Variants in ARPP21 observed in about 807,000 individuals in gnomAD.
ARPP21 encodes the protein cAMP regulated phosphoprotein 21.
Under a neutral mutation model 113.2 loss-of-function variants are expected in ARPP21, and 69 were observed. The observed-to-expected ratio is 0.61, with a 90% CI of 0.50 to 0.74. The LOEUF (loss-of-function observed/expected upper bound fraction) is 0.74, where lower values mean the gene tolerates loss of function less well. ARPP21 is among the 30% of genes least tolerant of loss of function. The pLI, the probability that ARPP21 is intolerant of heterozygous loss-of-function variation, is 0.00. For synonymous variants in ARPP21, 368 were observed against 375.5 expected (o/e 0.98, Z 0.23); for missense variants, 1,070 against 1,037.4 (o/e 1.03, Z -0.43).
chr3:35,676,911 A>T (rs2077637688), intron 1 of ARPP21, among the ~76,000 whole-genome samples: 1 of 151,900 alleles, frequency 6.6e-6, no homozygotes, highest in Non-Finnish European at 1.5e-5. Flanking sequence ...TTATATATCT[A>T]TGTGGCAATT....
At chr3:35,710,748 A>T (rs574913604) in intron 11 of ARPP21, among the ~76,000 whole-genome samples, 1 of 152,342 alleles carries the variant, frequency 6.6e-6, no homozygotes, top group African/African-American at 2.4e-5. Context: ...AAAGTCTGTC[A>T]CTAATGCCTG....
intron 1 of ARPP21, chr3:35,642,564 T>G (rs967196422): frequency 2.0e-5 from 3 of 152,180 alleles, no homozygotes; most frequent in Admixed American, 6.5e-5. Context: ...CTCAATAATT[T>G]GAGTTTTTAA....
At chr3:35,744,041 T>C in intron 19 of ARPP21, 76 bp downstream of exon 19, 2 of 1,495,638 alleles carry the variant, frequency 1.3e-6, no homozygotes, top group Non-Finnish European at 1.9e-6. Context: ...TTTGGATGAG[T>C]GTCCAAGCTT....
At chr3:35,751,072 G>A (rs1382392936) in intron 19 of ARPP21, among the ~76,000 whole-genome samples, 2 of 152,100 alleles carry the variant, frequency 1.3e-5, no homozygotes, top group South Asian at 2.1e-4. Context: ...CTATATTCTT[G>A]AATGCCGTGA....
chr3:35,711,065 T>C (rs1056694498), intron 11 of ARPP21, among the ~76,000 whole-genome samples: 1 of 152,236 alleles, frequency 6.6e-6, no homozygotes, highest in Non-Finnish European at 1.5e-5. Context: ...TTTGGCAGCC[T>C]TCTTTAAAAT....
At chr3:35,691,506 T>G (rs1251557145) in intron 9 of ARPP21, among the ~76,000 whole-genome samples, 1 of 151,590 alleles carries the variant, frequency 6.6e-6, no homozygotes, top group Non-Finnish European at 1.5e-5. Flanking sequence ...GTTGTGTGAC[T>G]TGGAGCAAGT....
intron 19 of ARPP21, among the ~76,000 whole-genome samples, chr3:35,747,222 C>T (rs2095114908): frequency 2.0e-5 from 3 of 151,680 alleles, no homozygotes; most frequent in African/African-American, 2.4e-5. Flanking sequence ...GGCATGGTGG[C>T]GGGTGCCTGT....
chr3:35,758,409 A>C (rs1014569816), intron 19 of ARPP21, among the ~76,000 whole-genome samples: 69 of 151,972 alleles, frequency 4.5e-4, no homozygotes, highest in African/African-American at 1.6e-3. Flanking sequence ...ATGCCATAGA[A>C]GTTTCTGAGT....
intron 19 of ARPP21, among the ~76,000 whole-genome samples, chr3:35,787,778 A>G (rs1022481212): frequency 7.9e-5 from 12 of 152,338 alleles, no homozygotes; most frequent in Admixed American, 5.9e-4. Context: ...GCCACATAAA[A>G]GGGATGATGT....
intron 1 of ARPP21, among the ~76,000 whole-genome samples, chr3:35,672,354 A>T (rs1199702764): frequency 6.6e-6 from 1 of 152,086 alleles, no homozygotes; most frequent in Non-Finnish European, 1.5e-5. Flanking sequence ...AACCTTCATG[A>T]GATCCAAACC....
chr3:35,761,606 C>T (rs912482108), intron 19 of ARPP21, among the ~76,000 whole-genome samples: 2 of 151,974 alleles, frequency 1.3e-5, no homozygotes, highest in Non-Finnish European at 2.9e-5. Context: ...TTTTAAAGGG[C>T]ATATTTCAAT....
chr3:35,715,635 A>G, intron 12 of ARPP21, 159 bp downstream of exon 12: 1 of 479,424 alleles, frequency 2.1e-6, no homozygotes, highest in East Asian at 3.3e-5. Context: ...TATTTAACAC[A>G]TCTACAAATG....
At chr3:35,686,014 T>C (rs2080452026) in intron 5 of ARPP21, 1 of 158,528 alleles carries the variant, frequency 6.3e-6, no homozygotes, top group South Asian at 2.0e-4. Context: ...TAGTGGATAT[T>C]CTTTAGCCTC....
chr3:35,775,566 G>A (rs1484567229), intron 19 of ARPP21, among the ~76,000 whole-genome samples: 2 of 152,072 alleles, frequency 1.3e-5, no homozygotes, highest in Non-Finnish European at 2.9e-5. Context: ...ATAAACTAGA[G>A]CTATAGCCAT....
rs746916760 is a variant in ARPP21, at chr3:35,739,595, T to A, written c.2010+18T>A. 1 of 1,596,754 alleles carries A rather than the reference T, an allele frequency of 6.3e-7. No homozygotes were observed. The highest frequency in any genetic ancestry group is 2.2e-5 in the East Asian group (1 of 44,636). On this transcript the variant is annotated intron_variant, in intron 18 of 20. Coordinates refer to ENST00000684406, the MANE Select transcript of ARPP21 (RefSeq NM_001385562.1). ...CTGCACAGGTAGGTGTGCTTCCTCA[T>A]GCCTGTGACCTACAGCTGATTTCTG... is the stretch of plus-strand genomic sequence containing the variant.
At chr3:35,694,551 G>A (rs1020821775) in intron 9 of ARPP21, among the ~76,000 whole-genome samples, 3 of 151,452 alleles carry the variant, frequency 2.0e-5, no homozygotes, top group African/African-American at 7.3e-5. Context: ...CTGAGTTTTA[G>A]TTTGGGGCTT....
rs368618523 is a variant in ARPP21, at chr3:35,755,420, T to C, written c.2137+11455T>C. ...TCTTTATACTCTTTTTTTCTTTTTA[T>C]ATTAAATAAAATTTGCACTTCAAAC... On this transcript the variant is annotated intron_variant, in intron 19 of 20. Transcript: ENST00000684406. Among the ~76,000 whole-genome samples the C allele has an allele frequency of 1.3e-4, 20 of 152,218 alleles. No individual in the cohort carries two copies. The South Asian group carries it at 3.9e-3, about 30-fold the overall frequency.
chr3:35,659,440 A>G (rs1360887005), intron 1 of ARPP21, among the ~76,000 whole-genome samples: 1 of 152,212 alleles, frequency 6.6e-6, no homozygotes, highest in East Asian at 1.9e-4. Flanking sequence ...ACATTTATAG[A>G]AGACATTTAC....
Position 35,649,912 on chromosome 3 carries a change from A to T in ARPP21, c.-213+9514A>T, listed in dbSNP as rs568796757. Among the ~76,000 whole-genome samples, 5 of 152,294 alleles carry T rather than the reference A, an allele frequency of 3.3e-5. 1 individual carries two copies. In the East Asian group the frequency reaches 9.6e-4, roughly 29 times the overall value. On this transcript the variant is annotated intron_variant, in intron 1 of 20. Coordinates refer to ENST00000684406, the MANE Select transcript of ARPP21 (RefSeq NM_001385562.1). Reference sequence around the variant, plus strand: ...TTGAAAGGAAGGGGTCCAGATGATTACAAATGAAATGAGTTTGCTTTCTTA... The same window carrying T: ...TTGAAAGGAAGGGGTCCAGATGATTTCAAATGAAATGAGTTTGCTTTCTTA...
Sources: allele counts gnomAD v4.1 joint callset (sites outside exome capture counted in the v4.1 genomes callset), GRCh38; gene constraint gnomAD v4.1.1; transcripts MANE v1.5; gene names NCBI Gene and HGNC (gene_info 2026-07-23, HGNC 2026-07-21).